Variants in CNTN4 observed in about 807,000 individuals in gnomAD.
The protein encoded by CNTN4 is contactin 4.
Under a neutral mutation model 122.5 loss-of-function variants are expected in CNTN4, and 77 were observed. The observed-to-expected ratio is 0.63, with a 90% CI of 0.52 to 0.76. The LOEUF (loss-of-function observed/expected upper bound fraction) is 0.76, where lower values mean the gene tolerates loss of function less well. Ranked by LOEUF, CNTN4 falls within the 30% of genes least tolerant of loss-of-function variation. CNTN4 has a pLI of 0.00. For synonymous variants in CNTN4, 512 were observed against 447.0 expected, an observed-to-expected ratio of 1.15 and a Z score of -1.83; for missense variants, 1,256 against 1,259.1, an observed-to-expected ratio of 1.00 and a Z score of 0.04.
chr3:2,256,770 C>G (rs569194606), intron 2 of CNTN4, among the ~76,000 whole-genome samples: 27 of 152,164 alleles, frequency 1.8e-4, no homozygotes, highest in Non-Finnish European at 3.2e-4. Context: ...CTACAAACCA[C>G]TGCTCAAGGA....
intron 2 of CNTN4, among the ~76,000 whole-genome samples, chr3:2,272,821 T>TA (rs2041355232): frequency 6.7e-6 from 1 of 150,108 alleles, no homozygotes; most frequent in East Asian, 2.0e-4. Flanking sequence ...TTTTTTTTTT[T>TA]ATTTAACCAC....
At chr3:3,049,840 G>A (rs1176165751) in intron 23 of CNTN4, among the ~76,000 whole-genome samples, 1 of 132,748 alleles carries the variant, frequency 7.5e-6, no homozygotes. Flanking sequence ...ATCACCAACT[G>A]CAGAGTTTGT....
intron 4 of CNTN4, among the ~76,000 whole-genome samples, chr3:2,600,598 C>G (rs2080997145): frequency 1.3e-5 from 2 of 152,168 alleles, no homozygotes; most frequent in Admixed American, 6.5e-5. Context: ...TCCAGTGTAT[C>G]ATTGATGGAC....
chr3:2,585,362 T>G, intron 4 of CNTN4, among the ~76,000 whole-genome samples: 1 of 151,332 alleles, frequency 6.6e-6, no homozygotes, highest in East Asian at 2.0e-4. Flanking sequence ...GGATTATAAA[T>G]CATGCTGCTA....
chr3:2,826,516 C>A (rs115120379), intron 7 of CNTN4, among the ~76,000 whole-genome samples: 1 of 152,142 alleles, frequency 6.6e-6, no homozygotes, highest in South Asian at 2.1e-4. Context: ...GAGATAAAAG[C>A]GTGAAAGTAG....
chr3:2,374,115 G>A (rs1452370703), intron 3 of CNTN4, among the ~76,000 whole-genome samples: 1 of 152,162 alleles, frequency 6.6e-6, no homozygotes, highest in Non-Finnish European at 1.5e-5. Context: ...TGTAATGCAA[G>A]TGCTGATCTA....
At position 2,747,661 on chromosome 3, in the gene CNTN4, G is replaced by A. The variant is rs146797772; in HGVS notation, c.358+1964G>A. 1.9e-3 allele frequency among the ~76,000 whole-genome samples: 293 copies of A among 152,178 alleles called. 2 individuals carry two copies. In the East Asian group the frequency reaches 0.045, roughly 23 times the overall value. On this transcript the variant is annotated intron_variant, in intron 6 of 24. Transcript: ENST00000418658. ...AACAAAAAGCTCTACCACTCAGTTC[G>A]TGGTGGGTTGACCTGAGGACCTACC...
At chr3:2,258,074 A>G (rs528615517) in intron 2 of CNTN4, among the ~76,000 whole-genome samples, 11 of 152,242 alleles carry the variant, frequency 7.2e-5, no homozygotes, top group East Asian at 3.9e-4. Flanking sequence ...AAATCAATCA[A>G]TCAATCAATC....
At chr3:2,308,122 T>C (rs1290784168) in intron 2 of CNTN4, among the ~76,000 whole-genome samples, 1 of 152,096 alleles carries the variant, frequency 6.6e-6, no homozygotes, top group East Asian at 1.9e-4. Flanking sequence ...TTGAATAAAT[T>C]TCAGTAGTTT....
At chr3:2,853,152 T>A (rs887605789) in intron 7 of CNTN4, among the ~76,000 whole-genome samples, 1 of 151,630 alleles carries the variant, frequency 6.6e-6, no homozygotes, top group African/African-American at 2.4e-5. Flanking sequence ...TATTAAGAAA[T>A]TTTTCAGATA....
At chr3:2,900,437 C>A (rs1336132820) in intron 10 of CNTN4, among the ~76,000 whole-genome samples, 1 of 152,084 alleles carries the variant, frequency 6.6e-6, no homozygotes, top group Non-Finnish European at 1.5e-5. Flanking sequence ...TTAATTTTGC[C>A]ATATGGATAT....
intron 17 of CNTN4, 133 bp from the exon 18 acceptor site, chr3:3,037,046 A>G: frequency 5.8e-6 from 6 of 1,029,594 alleles, no homozygotes; most frequent in Non-Finnish European, 9.2e-6. Flanking sequence ...GATGCAGCTA[A>G]TATCAGAACA....
chr3:2,551,302 A>G (rs2078494092), intron 3 of CNTN4, among the ~76,000 whole-genome samples: 2 of 152,140 alleles, frequency 1.3e-5, no homozygotes, highest in South Asian at 4.1e-4. Flanking sequence ...GAAGAATGTC[A>G]GCTCAAAATC....
intron 8 of CNTN4, among the ~76,000 whole-genome samples, chr3:2,869,007 G>C (rs1019108627): frequency 2.6e-5 from 4 of 152,004 alleles, no homozygotes; most frequent in Non-Finnish European, 5.9e-5. Flanking sequence ...CCTGAGGCCT[G>C]AAAAAAAGCA....
Position 2,605,553 on chromosome 3 carries a change from G to A in CNTN4, c.55+33995G>A, listed in dbSNP as rs546254044. On this transcript the variant is annotated intron_variant, in intron 4 of 24. Coordinates refer to ENST00000418658, the MANE Select transcript of CNTN4 (RefSeq NM_175607.3). ...AATCTATAGGGTGGCAGTGATGGAAGCAGGAGCACAGCTGGGCAGCTATTG... is the reference window on the plus strand; with the variant it reads ...AATCTATAGGGTGGCAGTGATGGAAACAGGAGCACAGCTGGGCAGCTATTG... Among the ~76,000 whole-genome samples, 162 of 152,284 alleles carry A rather than the reference G, an allele frequency of 1.1e-3. 1 individual carries two copies. Among genetic ancestry groups the A allele is most frequent in the African/African-American group, 3.8e-3 (157 of 41,570 alleles).
chr3:2,467,744 A>G (rs975294248), intron 3 of CNTN4, among the ~76,000 whole-genome samples: 1 of 152,226 alleles, frequency 6.6e-6, no homozygotes, highest in East Asian at 1.9e-4. Flanking sequence ...AACAGAAGAT[A>G]ATAATCTTTT....
intron 3 of CNTN4, among the ~76,000 whole-genome samples, chr3:2,387,722 T>C (rs1024927303): frequency 7.9e-5 from 12 of 152,342 alleles, no homozygotes; most frequent in African/African-American, 2.6e-4. Flanking sequence ...TTTCTTGTTT[T>C]ATTTTGCTGT....
intron 4 of CNTN4, among the ~76,000 whole-genome samples, chr3:2,603,217 A>G (rs1343862518): frequency 1.3e-5 from 2 of 152,196 alleles, no homozygotes; most frequent in Non-Finnish European, 2.9e-5. Flanking sequence ...TGAATTAAAT[A>G]ATAAATGATT....
chr3:2,665,106 A>G (rs1325366594), intron 4 of CNTN4, among the ~76,000 whole-genome samples: 2 of 152,252 alleles, frequency 1.3e-5, no homozygotes, highest in African/African-American at 4.8e-5. Flanking sequence ...ACAGTTCCTC[A>G]AGGGACTGAT....
Sources: gnomAD v4.1 joint callset for allele counts (sites outside exome capture counted in the v4.1 genomes callset) on GRCh38, gnomAD v4.1.1 for gene constraint, MANE v1.5 for transcripts, NCBI Gene and HGNC (gene_info 2026-07-23, HGNC 2026-07-21) for gene names.